CELSR1: variants seen among roughly 807,000 people sequenced by gnomAD.
CELSR1 encodes cadherin EGF LAG seven-pass G-type receptor 1.
CELSR1 carries 110 observed loss-of-function variants against 249.1 expected under a neutral mutation model. That is an observed-to-expected ratio of 0.44 (90% CI 0.38 to 0.52). The LOEUF (loss-of-function observed/expected upper bound fraction) is 0.52, where lower values mean the gene tolerates loss of function less well. Among genes scored for constraint, CELSR1 ranks in the 20% least tolerant of loss-of-function variants. CELSR1 has a pLI of 0.00. For missense variants in CELSR1, 4,109 were observed against 4,296.4 expected (o/e 0.96, Z 1.22); for synonymous variants, 2,113 against 1,900.0 (o/e 1.11, Z -2.92).
intron 5 of CELSR1, among the ~76,000 whole-genome samples, chr22:46,416,759 C>A (rs180920536): frequency 1.3e-5 from 2 of 152,170 alleles, no homozygotes; most frequent in Admixed American, 1.3e-4. Flanking sequence ...TATTTTCCTT[C>A]GAGGTATTTT....
rs527580599 is a variant in CELSR1 at position 46,380,039 on chromosome 22, G to A, written c.7256+749C>T. Among the ~76,000 whole-genome samples, 80 of 152,316 alleles carry A rather than the reference G, an allele frequency of 5.3e-4. No individual in the cohort carries two copies. Among genetic ancestry groups the A allele is most frequent in the Non-Finnish European group, 8.5e-4 (58 of 68,028 alleles). On this transcript the variant is annotated intron_variant, in intron 22 of 34. Coordinates refer to ENST00000674500, the MANE Select transcript of CELSR1 (RefSeq NM_001378328.1). This position sits in a 1 kb window ranked among gnomAD's most constrained non-coding sequence, Gnocchi z 5.1. ...AGCAACTCAAATGTCCACACCTCAC[G>A]TGAACTCTGCAGCTAAAAAGCAAAA...
intron 1 of CELSR1, among the ~76,000 whole-genome samples, chr22:46,525,334 C>T (rs373359642): frequency 2.0e-5 from 3 of 151,924 alleles, no homozygotes; most frequent in East Asian, 3.9e-4. Context: ...CTGTCATCTC[C>T]GCTACTCGGG....
At position 46,536,377 on chromosome 22, in the gene CELSR1, A is replaced by C; in HGVS notation, c.794T>G (p.Leu265Arg). The C allele has an allele frequency of 1.2e-6, 2 of 1,612,222 alleles. No individual in the cohort carries two copies. The highest frequency in any genetic ancestry group is 1.7e-6 in the Non-Finnish European group (2 of 1,179,446). ...GATGGTGTAGTGCGCGTGCAGCTGG[A>C]GGATGAGGGTGCCCGCCGGTTCGTT... Reference protein sequence around the residue: ...FENEPAGTLILQLHAHYTIEG... With the variant: ...FENEPAGTLIRQLHAHYTIEG... Residue 265 changes from leucine to arginine, a missense_variant, in exon 1 of 35, where the codon CTC becomes CGC. Physicochemically the swap from Leu to Arg is moderately radical, Grantham distance 102. Transcript: ENST00000674500.
Position 46,410,697 on chromosome 22 carries a change from C to T in CELSR1, c.4770-136G>A. ...AACCAAGCAGACAGGCGGGGAGAGG[C>T]CAAAGTCAGAGGGGGCTCCTGTGTC... On this transcript the variant is annotated intron_variant, in intron 6 of 34. Coordinates refer to ENST00000674500, the MANE Select transcript of CELSR1 (RefSeq NM_001378328.1). The surrounding 1 kb of genome is among the most constrained non-coding windows in gnomAD (Gnocchi z 6.8). 2 of 841,214 alleles carry T rather than the reference C, an allele frequency of 2.4e-6. No individual in the cohort carries two copies. The highest frequency in any genetic ancestry group is 1.8e-6 in the Non-Finnish European group (1 of 548,450). The allele number at this position is 841,214 out of a possible 1,614,324, so 52.1% of individuals were successfully genotyped here.
At position 46,526,872 on chromosome 22, in the gene CELSR1, G is replaced by C. The variant is rs1288069109; in HGVS notation, c.3544+6755C>G. ...TCAACTTCAGGACACTCTCAAAGAC[G>C]CCCAGCCACACGGGGCCAAAAATGG... On this transcript the variant is annotated intron_variant, in intron 1 of 34. Coordinates refer to ENST00000674500, the MANE Select transcript of CELSR1 (RefSeq NM_001378328.1). The surrounding 1 kb of genome is among the most constrained non-coding windows in gnomAD (Gnocchi z 4.7). Among the ~76,000 whole-genome samples, 1 of 152,144 alleles carries C rather than the reference G, an allele frequency of 6.6e-6. No homozygotes were observed. Among genetic ancestry groups the C allele is most frequent in the Admixed American group, 6.5e-5 (1 of 15,278 alleles).
intron 5 of CELSR1, among the ~76,000 whole-genome samples, chr22:46,416,801 T>G (rs1310944784): frequency 6.6e-6 from 1 of 152,158 alleles, no homozygotes; most frequent in Admixed American, 6.5e-5. Context: ...CTCCTTGGCT[T>G]CCACTCAGCC....
Position 46,535,536 on chromosome 22 carries a change from G to A in CELSR1, c.1635C>T (p.Ile545=), listed in dbSNP as rs1345891286. 6.2e-7 allele frequency: 1 copy of A among 1,613,160 alleles called. No individual in the cohort carries two copies. The highest frequency in any genetic ancestry group is 2.2e-5 in the East Asian group (1 of 44,890). ...GCACAGACACCACCCCTGAAGAATT[G>A]ATGAGCGGGGGCCGGCCCCCATCCT... ...KAQDGGRPPL[I]NSSGVVSVQV... is the part of the protein sequence containing the mutation. Residue 545 remains isoleucine (I), a synonymous_variant, in exon 1 of 35, where the codon ATC becomes ATT. Transcript: ENST00000674500.
At chr22:46,508,796 C>T (rs894749376) in intron 1 of CELSR1, among the ~76,000 whole-genome samples, 12 of 152,178 alleles carry the variant, frequency 7.9e-5, no homozygotes, top group South Asian at 2.1e-4. Flanking sequence ...ACACGCCTGC[C>T]GCGTGAGAAT....
chr22:46,385,198 G>A (rs1037755090), intron 19 of CELSR1, among the ~76,000 whole-genome samples: 1 of 151,904 alleles, frequency 6.6e-6, no homozygotes, highest in South Asian at 2.1e-4. Flanking sequence ...GCGCTCAAGC[G>A]ATCCTCCCAC....
intron 2 of CELSR1, among the ~76,000 whole-genome samples, chr22:46,462,500 T>C (rs1177400881): frequency 6.6e-6 from 1 of 152,200 alleles, no homozygotes; most frequent in Non-Finnish European, 1.5e-5. Flanking sequence ...ATAAGCTCGA[T>C]AAACTTGTGC....
In CELSR1 at chr22:46,363,975, C is replaced by T. The variant is rs753947343; in HGVS notation, c.9035+21G>A. ...AAGGGGGAAGTGGGTGATCCCCGCC[C>T]TGGAGGCCCAGGCTACTCACTCAGA... On this transcript the variant is annotated intron_variant, in intron 34 of 34. Transcript: ENST00000674500. This position sits in a 1 kb window ranked among gnomAD's most constrained non-coding sequence, Gnocchi z 4.3. 1 of 1,572,464 alleles carries T rather than the reference C, an allele frequency of 6.4e-7. No individual in the cohort carries two copies. The highest frequency in any genetic ancestry group is 8.6e-7 in the Non-Finnish European group (1 of 1,160,488).
rs957091519 is a variant in CELSR1 at position 46,363,851 on chromosome 22, CTCCCCCA to C, written c.9035+138_9035+144del. 6.2e-5 allele frequency: 71 copies of C among 1,143,038 alleles called. No homozygotes were observed. Among genetic ancestry groups the C allele is most frequent in the African/African-American group, 2.7e-4 (17 of 63,422 alleles). 70.8% of individuals were successfully genotyped at this position (1,143,038 alleles called of 1,614,324 possible). The stretch of plus-strand genomic sequence containing the variant: ...TGACCTCAGCTGCAGCGCCTCCCCC[CTCCCCCA>C]TCCCCGCCTGGGCTTCCTCTGCACT... On this transcript the variant is annotated intron_variant, in intron 34 of 34. Coordinates refer to ENST00000674500, the MANE Select transcript of CELSR1 (RefSeq NM_001378328.1). The surrounding 1 kb of genome is among the most constrained non-coding windows in gnomAD (Gnocchi z 4.3).
At chr22:46,422,462 A>G (rs767127098) in intron 5 of CELSR1, among the ~76,000 whole-genome samples, 43 of 149,464 alleles carry the variant, frequency 2.9e-4, no homozygotes, top group Admixed American at 1.6e-3. Flanking sequence ...GGCCGGGCGC[A>G]GTGGCTCACA....
At chr22:46,495,755 C>A (rs2080406801) in intron 1 of CELSR1, among the ~76,000 whole-genome samples, 1 of 152,182 alleles carries the variant, frequency 6.6e-6, no homozygotes, top group African/African-American at 2.4e-5. Context: ...GCGAAGGTTG[C>A]AGTGAGCCGA....
intron 1 of CELSR1, among the ~76,000 whole-genome samples, chr22:46,520,547 T>A (rs1024099637): frequency 6.6e-6 from 1 of 151,948 alleles, no homozygotes; most frequent in Non-Finnish European, 1.5e-5. Context: ...TGCAATCTCC[T>A]CCTCCCCAGT....
In CELSR1 at chr22:46,381,904, A is replaced by G. The variant is rs1258601868; in HGVS notation, c.7030T>C (p.Tyr2344His). 1.9e-6 allele frequency: 3 copies of G among 1,575,566 alleles called. No individual in the cohort carries two copies. The highest frequency in any genetic ancestry group is 4.7e-5 in the East Asian group (2 of 42,840). Residue 2344 changes from tyrosine (Y) to histidine (H), a missense_variant, in exon 21 of 35, where the codon TAC (tyrosine) becomes CAC (histidine). Physicochemically the swap from Tyr to His is moderately conservative, Grantham distance 83. Transcript: ENST00000674500. The surrounding 1 kb of genome is among the most constrained non-coding windows in gnomAD (Gnocchi z 6.0). Reference sequence around the variant, plus strand: ...GGCAGGAGCTGCCCCAGGGTGCGGTAAATGATGACCAGAGCGACGGCGAAC... The same window carrying G: ...GGCAGGAGCTGCCCCAGGGTGCGGTGAATGATGACCAGAGCGACGGCGAAC... ...GQFAVALVII[Y>H]RTLGQLLPER...
chr22:46,532,094 G>C (rs542678192), intron 1 of CELSR1, among the ~76,000 whole-genome samples: 1 of 152,148 alleles, frequency 6.6e-6, no homozygotes, highest in African/African-American at 2.4e-5. Flanking sequence ...CTAACAGCGG[G>C]GGGGCCCACA....
At chr22:46,480,613 G>A (rs1473376886) in intron 1 of CELSR1, among the ~76,000 whole-genome samples, 1 of 152,178 alleles carries the variant, frequency 6.6e-6, no homozygotes, top group African/African-American at 2.4e-5. Flanking sequence ...CTGGTAAACA[G>A]GATGTTGGCA....
rs2080160679 is a variant in CELSR1 at position 46,472,018 on chromosome 22, A to G, written c.3545-7673T>C. On this transcript the variant is annotated intron_variant, in intron 1 of 34. Transcript: ENST00000674500. The surrounding 1 kb of genome is among the most constrained non-coding windows in gnomAD (Gnocchi z 7.0). ...ATTCCGGGAGGCACGGCACCCACCC[A>G]GCACTCTCTCTGCCCGTGCTCCAGG... is the stretch of plus-strand genomic sequence containing the variant. 6.6e-6 allele frequency among the ~76,000 whole-genome samples: 1 copy of G among 152,170 alleles called. No homozygotes were observed. Among genetic ancestry groups the G allele is most frequent in the Non-Finnish European group, 1.5e-5 (1 of 68,026 alleles).
Sources: allele counts gnomAD v4.1 joint callset (sites outside exome capture counted in the v4.1 genomes callset), GRCh38; gene constraint gnomAD v4.1.1; non-coding constraint Gnocchi (gnomAD v3.1); transcripts MANE v1.5; gene names NCBI Gene and HGNC (gene_info 2026-07-23, HGNC 2026-07-21).